The following NUMA1 variants were observed in gnomAD, a reference collection of about 807,000 sequenced individuals.
The protein encoded by NUMA1 is nuclear mitotic apparatus protein 1.
A neutral mutation model predicts 237.1 loss-of-function variants in NUMA1; 62 were observed. The ratio of observed to expected loss-of-function variants is 0.26; its 90% CI spans 0.21 to 0.32. The LOEUF is 0.32. Among genes scored for constraint, NUMA1 ranks in the 10% least tolerant of loss-of-function variants. The pLI is 1.00. For missense variants in NUMA1, 2,533 were observed against 2,666.5 expected, an observed-to-expected ratio of 0.95 and a Z score of 1.10; for synonymous variants, 1,028 against 1,066.1, an observed-to-expected ratio of 0.96 and a Z score of 0.70.
At chr11:72,048,516 C>A (rs551473397) in intron 2 of NUMA1, among the ~76,000 whole-genome samples, 1 of 152,114 alleles carries the variant, frequency 6.6e-6, no homozygotes, top group Non-Finnish European at 1.5e-5. Flanking sequence ...GGATTACAGG[C>A]GCTCGCCAAC....
chr11:72,004,271 C>T lies in NUMA1; in HGVS notation c.6077G>A (p.Ser2026Asn). 6.2e-7 allele frequency: 1 copy of T among 1,613,506 alleles called. No individual in the cohort carries two copies. Among genetic ancestry groups the T allele is most frequent in the Non-Finnish European group, 8.5e-7 (1 of 1,179,878 alleles). Residue 2026 changes from serine to asparagine, a missense_variant, in exon 25 of 27, where the codon AGC becomes AAC. By Grantham distance (46) the Ser-to-Asn change is conservative. This residue lies in a region of NUMA1 where 795 missense variants were observed against 750.8 expected (regional missense o/e 1.06). Transcript: ENST00000393695. Reference sequence around the variant, plus strand: ...TGCTTTCTTCTGGGCCTCAGTAGTGCTCTGTTTGCGCCCTTCATGTCGGTC... The same window carrying T: ...TGCTTTCTTCTGGGCCTCAGTAGTGTTCTGTTTGCGCCCTTCATGTCGGTC... The part of the protein sequence containing the change: ...PRDRHEGRKQ[S>N]TTEAQKKAAP...
chr11:72,035,663 G>A (rs112822490), intron 3 of NUMA1, among the ~76,000 whole-genome samples: 7 of 151,680 alleles, frequency 4.6e-5, no homozygotes, highest in African/African-American at 1.7e-4. Context: ...CACCTGCCTC[G>A]GCCTCCCAAA....
At chr11:72,071,091 C>T (rs890324008) in intron 1 of NUMA1, among the ~76,000 whole-genome samples, 2 of 152,154 alleles carry the variant, frequency 1.3e-5, no homozygotes, top group Admixed American at 6.5e-5. Flanking sequence ...GATACACAAC[C>T]TTAATAGTAG....
chr11:72,049,327 G>A (rs1942176704), intron 2 of NUMA1: 2 of 151,714 alleles, frequency 1.3e-5, no homozygotes, highest in Non-Finnish European at 2.9e-5. Flanking sequence ...CCCTGGAGGG[G>A]TGATGGGTCA....
At chr11:72,056,657 A>G (rs1942669082) in intron 2 of NUMA1, among the ~76,000 whole-genome samples, 2 of 148,126 alleles carry the variant, frequency 1.4e-5, no homozygotes, top group African/African-American at 2.5e-5. Flanking sequence ...AAAAAAAAAA[A>G]AAAGGCAAGC....
intron 1 of NUMA1, among the ~76,000 whole-genome samples, chr11:72,079,433 C>A (rs892992996): frequency 2.6e-5 from 4 of 151,900 alleles, no homozygotes; most frequent in African/African-American, 9.7e-5. Flanking sequence ...CCCAGCTACT[C>A]GGGAGGCTGA....
At chr11:72,071,333 A>G (rs1470855606) in intron 1 of NUMA1, among the ~76,000 whole-genome samples, 1 of 152,248 alleles carries the variant, frequency 6.6e-6, no homozygotes, top group African/African-American at 2.4e-5. Flanking sequence ...TTTTAGTGTC[A>G]GCCTCATCAA....
chr11:72,006,144 A>G lies in NUMA1; in HGVS notation c.5583T>C (p.Gly1861=). ...TSSTQSLARL[G]SPDYGNSALL... is the part of the protein sequence containing the mutation. ...GGGCTGAGTTGCCATAATCGGGAGA[A>G]CCCAGGCGAGCTAGAGACTGAGTAG... The change falls in exon 22 of 27, where the codon GGT becomes GGC. Residue 1861 remains glycine (G), a synonymous_variant. Transcript: ENST00000393695. The G allele has an allele frequency of 6.2e-7, 1 of 1,614,136 alleles. No homozygotes were observed. Among genetic ancestry groups the G allele is most frequent in the Non-Finnish European group, 8.5e-7 (1 of 1,180,032 alleles).
intron 2 of NUMA1, among the ~76,000 whole-genome samples, chr11:72,058,924 G>C (rs1236058849): frequency 6.6e-6 from 1 of 152,154 alleles, no homozygotes; most frequent in Non-Finnish European, 1.5e-5. Flanking sequence ...AGTGCAGACA[G>C]GCCCAGGAGC....
At chr11:72,061,020 G>C (rs1330802070) in intron 2 of NUMA1, among the ~76,000 whole-genome samples, 2 of 152,218 alleles carry the variant, frequency 1.3e-5, no homozygotes, top group Non-Finnish European at 2.9e-5. Context: ...AGTGAGCCGA[G>C]ATCGTGCCAC....
chr11:72,036,202 C>G (rs1266967865), intron 2 of NUMA1, among the ~76,000 whole-genome samples: 1 of 152,126 alleles, frequency 6.6e-6, no homozygotes, highest in Non-Finnish European at 1.5e-5. Flanking sequence ...CAATGTCTAC[C>G]CCATGTAATT....
At chr11:72,025,004 C>T (rs995764001) in intron 4 of NUMA1, among the ~76,000 whole-genome samples, 20 of 151,996 alleles carry the variant, frequency 1.3e-4, no homozygotes, top group African/African-American at 4.6e-4. Context: ...TTCAAGCAAT[C>T]CTCCTGCCTC....
At chr11:72,074,529 AAG>A (rs762636872) in intron 1 of NUMA1, among the ~76,000 whole-genome samples, 16 of 152,154 alleles carry the variant, frequency 1.1e-4, no homozygotes, top group Non-Finnish European at 2.4e-4. Context: ...GCTTGAGCTC[AAG>A]AGTTTGAGAC....
In NUMA1 at chr11:72,062,080, C is replaced by A. The variant is rs114313389; in HGVS notation, c.-33+7762G>T. Among the ~76,000 whole-genome samples, 724 of 152,244 alleles carry A rather than the reference C, an allele frequency of 4.8e-3. 2 individuals carry two copies. The highest frequency in any genetic ancestry group is 0.017 in the African/African-American group (696 of 41,538). On this transcript the variant is annotated intron_variant, in intron 2 of 26. Coordinates refer to ENST00000393695, the MANE Select transcript of NUMA1 (RefSeq NM_006185.4). ...GGGAAAGGAAGGCCAATTCTCCCCT[C>A]TAGATTGTACCCTTCTGAAGATCCT...
chr11:72,030,382 G>T (rs539013494), intron 3 of NUMA1, among the ~76,000 whole-genome samples: 1 of 151,994 alleles, frequency 6.6e-6, no homozygotes, highest in Non-Finnish European at 1.5e-5. Flanking sequence ...AGGGGGCGGT[G>T]GGGGATGAAA....
intron 2 of NUMA1, among the ~76,000 whole-genome samples, chr11:72,037,017 GCTCTGTGGAACCAGT>G (rs1941101774): frequency 1.3e-5 from 2 of 152,120 alleles, no homozygotes; most frequent in Non-Finnish European, 2.9e-5. Context: ...CAGAGTGTGG[GCTCTGTGGAACCAGT>G]CTCATGTATG....
At chr11:72,042,372 A>T (rs981605963) in intron 2 of NUMA1, among the ~76,000 whole-genome samples, 1 of 152,244 alleles carries the variant, frequency 6.6e-6, no homozygotes, top group Non-Finnish European at 1.5e-5. Context: ...TGTAATTCAC[A>T]GGAGATAAGA....
At position 72,014,630 on chromosome 11, in the gene NUMA1, C is replaced by A; in HGVS notation, c.2873G>T (p.Arg958Leu). The A allele has an allele frequency of 6.2e-7, 1 of 1,610,192 alleles. No individual in the cohort carries two copies. The highest frequency in any genetic ancestry group is 8.5e-7 in the Non-Finnish European group (1 of 1,180,016). ...CGCTGCCTGTGTGCTGCAGAACTGG[C>A]GTCCCTGTTGCTCTTCCAGCCACTC... ...QPEWLEEQQG[R>L]QFCSTQAALQ... is the part of the protein sequence containing the mutation. Residue 958 changes from arginine (R) to leucine (L), a missense_variant, in exon 15 of 27, where the codon CGC becomes CTC. Arg to Leu is a moderately radical substitution (Grantham distance 102, BLOSUM62 -2). This residue lies in a region of NUMA1 where 1,414 missense variants were observed against 1,508.1 expected (regional missense o/e 0.94). Coordinates refer to ENST00000393695, the MANE Select transcript of NUMA1 (RefSeq NM_006185.4). The surrounding 1 kb of genome is among the most constrained non-coding windows in gnomAD (Gnocchi z 4.6).
Position 72,013,610 on chromosome 11 carries a change from C to A in NUMA1, c.3893G>T (p.Arg1298Leu). 1 of 1,611,390 alleles carries A rather than the reference C, an allele frequency of 6.2e-7. No individual in the cohort carries two copies. ...SALREEVQSL[R>L]EEAEKQRVAS... ...CACCCGCTGTTTCTCAGCCTCCTCC[C>A]GGAGGCTCTGCACCTCCTCCCGCAG... Residue 1298 changes from arginine to leucine, a missense_variant, in exon 15 of 27, where the codon CGG becomes CTG. Arg to Leu is a moderately radical substitution (Grantham distance 102). This residue lies in a region of NUMA1 where 324 missense variants were observed against 407.6 expected (regional missense o/e 0.79). Transcript: ENST00000393695. This position sits in a 1 kb window ranked among gnomAD's most constrained non-coding sequence, Gnocchi z 6.8.
Sources: allele counts gnomAD v4.1 joint callset (sites outside exome capture counted in the v4.1 genomes callset), GRCh38; gene constraint gnomAD v4.1.1; regional missense constraint gnomAD v4.1.1; non-coding constraint Gnocchi (gnomAD v3.1); transcripts MANE v1.5; gene names NCBI Gene and HGNC (gene_info 2026-07-23, HGNC 2026-07-21).